SUZ12: variants seen among roughly 807,000 people sequenced by gnomAD.
SUZ12 encodes polycomb protein SUZ12.
A neutral mutation model predicts 87.3 loss-of-function variants in SUZ12; 17 were observed. The observed-to-expected ratio is 0.19, with a 90% CI of 0.13 to 0.29. SUZ12 has a LOEUF of 0.29. Ranked by LOEUF, SUZ12 falls within the 10% of genes least tolerant of loss-of-function variation. SUZ12 has a pLI of 1.00. For missense variants in SUZ12, 526 were observed against 912.2 expected, an observed-to-expected ratio of 0.58 and a Z score of 5.45; for synonymous variants, 253 against 312.4, an observed-to-expected ratio of 0.81 and a Z score of 2.01.
At chr17:31,984,295 G>A (rs1201092118) in intron 9 of SUZ12, among the ~76,000 whole-genome samples, 1 of 152,152 alleles carries the variant, frequency 6.6e-6, no homozygotes, top group Non-Finnish European at 1.5e-5. Flanking sequence ...ATAGCTATGT[G>A]AGAAAGAGAA....
At chr17:31,993,185 G>T in intron 10 of SUZ12, 57 bp from the exon 11 acceptor site, 1 of 1,096,358 alleles carries the variant, frequency 9.1e-7, no homozygotes, top group Non-Finnish European at 1.3e-6. Context: ...TGTGAGGTAT[G>T]TTATTTTGCT....
chr17:31,957,575 C>A (rs1907429476), intron 4 of SUZ12, among the ~76,000 whole-genome samples: 1 of 151,926 alleles, frequency 6.6e-6, no homozygotes. Flanking sequence ...CCACGCCTAG[C>A]TAATTTTTTT....
intron 6 of SUZ12, 135 bp downstream of exon 6, chr17:31,973,366 A>T: frequency 1.7e-6 from 1 of 602,400 alleles, no homozygotes; most frequent in Non-Finnish European, 2.8e-6. Flanking sequence ...TGGCCTAATT[A>T]TAAAACTGAT....
At chr17:31,952,266 C>T (rs1907033748) in intron 4 of SUZ12, among the ~76,000 whole-genome samples, 1 of 151,860 alleles carries the variant, frequency 6.6e-6, no homozygotes, top group Non-Finnish European at 1.5e-5. Flanking sequence ...TGCTATGTTG[C>T]CCAGGCTGGT....
At chr17:31,994,093 T>A (rs1909854541) in intron 12 of SUZ12, 85 bp downstream of exon 12, 2 of 1,333,266 alleles carry the variant, frequency 1.5e-6, no homozygotes, top group South Asian at 3.2e-5. Context: ...CCCACAAAAA[T>A]TTTTTAAATT....
intron 5 of SUZ12, among the ~76,000 whole-genome samples, chr17:31,968,953 A>G (rs1397535974): frequency 6.6e-6 from 1 of 152,170 alleles, no homozygotes; most frequent in East Asian, 1.9e-4. Flanking sequence ...TTTTCTTGAT[A>G]TTGAAGTAAA....
chr17:31,988,517 A>G lies in SUZ12; in HGVS notation c.1201+20A>G. 2.5e-6 allele frequency: 4 copies of G among 1,573,232 alleles called. No homozygotes were observed. The highest frequency in any genetic ancestry group is 3.4e-6 in the Non-Finnish European group (4 of 1,163,304). On this transcript the variant is annotated intron_variant, in intron 10 of 15. Transcript: ENST00000322652. ...CTATTGGTAAGAAAACATTGCAATC[A>G]AAATAATAAAATAATGGTTTGCAGA...
chr17:31,953,128 C>A (rs75650801), intron 4 of SUZ12, among the ~76,000 whole-genome samples: 2 of 151,264 alleles, frequency 1.3e-5, no homozygotes, highest in South Asian at 2.1e-4. Context: ...TTTTTTGAGA[C>A]AAAGTCTTGC....
intron 5 of SUZ12, among the ~76,000 whole-genome samples, chr17:31,971,318 G>A (rs545399235): frequency 6.7e-4 from 101 of 151,508 alleles, no homozygotes; most frequent in African/African-American, 2.4e-3. Context: ...ATGTATAATG[G>A]TAACTGATTT....
At chr17:31,987,057 G>T (rs559230187) in intron 9 of SUZ12, among the ~76,000 whole-genome samples, 71 of 144,520 alleles carry the variant, frequency 4.9e-4, no homozygotes, top group African/African-American at 1.8e-3. Flanking sequence ...AGGTTTTTTT[G>T]TTTTTTTGTT....
At chr17:31,938,938 T>C (rs2142115287) in intron 1 of SUZ12, among the ~76,000 whole-genome samples, 1 of 152,360 alleles carries the variant, frequency 6.6e-6, no homozygotes, top group South Asian at 2.1e-4. Flanking sequence ...AATACTTGAA[T>C]GTAATTATTC....
chr17:31,960,252 C>T (rs1907619385), intron 4 of SUZ12, among the ~76,000 whole-genome samples: 1 of 152,050 alleles, frequency 6.6e-6, no homozygotes, highest in Non-Finnish European at 1.5e-5. Flanking sequence ...GCTCTGTTGC[C>T]CAGGTTGGAG....
intron 9 of SUZ12, among the ~76,000 whole-genome samples, chr17:31,987,232 A>G (rs1271216620): frequency 1.3e-5 from 2 of 152,226 alleles, no homozygotes; most frequent in Non-Finnish European, 2.9e-5. Context: ...CGTGAGAAGG[A>G]AAGTGTTTTA....
intron 1 of SUZ12, among the ~76,000 whole-genome samples, chr17:31,938,505 T>C (rs536119956): frequency 7.2e-5 from 11 of 152,208 alleles, no homozygotes; most frequent in Non-Finnish European, 1.3e-4. Context: ...TCCTTCATTC[T>C]CTCTCATTAG....
Position 31,994,695 on chromosome 17 carries a change from A to G in SUZ12, c.1569A>G (p.Thr523=). Residue 523 remains threonine, a synonymous_variant, in exon 13 of 16, where the codon ACA becomes ACG. Coordinates refer to ENST00000322652, the MANE Select transcript of SUZ12 (RefSeq NM_015355.4). ...GTCGCAACGGACCAGTTAAGAGAAC[A>G]CCTATCACACATATTCTTGTGTGCA... ...AFSRNGPVKR[T]PITHILVCRP... The G allele has an allele frequency of 1.9e-6, 3 of 1,613,984 alleles. No homozygotes were observed. Among genetic ancestry groups the G allele is most frequent in the Non-Finnish European group, 2.5e-6 (3 of 1,179,974 alleles).
intron 15 of SUZ12, among the ~76,000 whole-genome samples, chr17:31,997,171 C>T (rs1038182878): frequency 1.3e-5 from 2 of 152,080 alleles, no homozygotes; most frequent in Non-Finnish European, 2.9e-5. Flanking sequence ...AGATGTGAGT[C>T]ATCGCAGCAT....
At position 31,988,238 on chromosome 17, in the gene SUZ12, AT is replaced by A. The variant is rs1283349276; in HGVS notation, c.1024-81del. On this transcript the variant is annotated intron_variant, in intron 9 of 15. Transcript: ENST00000322652. ...TATTAAGGCAAATCCACATTGACTT[AT>A]AATGAATTTTTTTTAATTTCTACAA... The A allele has an allele frequency of 3.0e-6, 4 of 1,352,654 alleles. No homozygotes were observed. In the African/African-American group the frequency reaches 6.0e-5, roughly 20 times the overall value. The allele number at this position is 1,352,654 out of a possible 1,614,324, so 83.8% of individuals were successfully genotyped here.
chr17:31,946,346 C>G (rs1437039326), intron 3 of SUZ12, among the ~76,000 whole-genome samples: 7 of 152,042 alleles, frequency 4.6e-5, no homozygotes, highest in Non-Finnish European at 8.8e-5. Context: ...CCAGCCTGAC[C>G]AACATGGTGA....
chr17:31,958,965 C>CCA (rs1598159002), intron 4 of SUZ12, among the ~76,000 whole-genome samples: 8 of 152,332 alleles, frequency 5.3e-5, no homozygotes, highest in East Asian at 3.9e-4. Context: ...TTGCAGTGAG[C>CCA]AGATATCGCA....
Sources: gnomAD v4.1 joint callset for allele counts (sites outside exome capture counted in the v4.1 genomes callset) on GRCh38, gnomAD v4.1.1 for gene constraint, MANE v1.5 for transcripts, NCBI Gene and HGNC (gene_info 2026-07-23, HGNC 2026-07-21) for gene names.